NBEAL1: variants seen among roughly 807,000 people sequenced by gnomAD.
NBEAL1 encodes the protein neurobeachin-like protein 1.
In NBEAL1, 273 loss-of-function variants were observed where a neutral mutation model predicts 351.3. That is an observed-to-expected ratio of 0.78 (90% CI 0.70 to 0.86). The LOEUF is 0.86. Ranked by LOEUF, NBEAL1 falls within the 40% of genes least tolerant of loss-of-function variation. The probability of loss-of-function intolerance (pLI) is 0.00; values close to 1 mark genes in which losing one functional copy is unlikely to be tolerated. For synonymous variants in NBEAL1, 1,050 were observed against 1,086.4 expected, an observed-to-expected ratio of 0.97 and a Z score of 0.66; for missense variants, 2,961 against 3,201.3, an observed-to-expected ratio of 0.92 and a Z score of 1.81.
Position 203,213,704 on chromosome 2 carries a change from T to A in NBEAL1, c.8070+51T>A, listed in dbSNP as rs759730977. 13 of 1,607,306 alleles carry A rather than the reference T, an allele frequency of 8.1e-6. No homozygotes were observed. The African/African-American group carries it at 1.7e-4, about 22-fold the overall frequency. On this transcript the variant is annotated intron_variant, in intron 55 of 55. Coordinates refer to ENST00000683969, the MANE Select transcript of NBEAL1 (RefSeq NM_001378026.1). Reference sequence around the variant, plus strand: ...TTTCTCATGCTGTTGGGGATTACTTTGGTTCTCCTTCATTCCAACTGATTG... The same window carrying A: ...TTTCTCATGCTGTTGGGGATTACTTAGGTTCTCCTTCATTCCAACTGATTG...
chr2:203,116,814 G>T (rs371087141), intron 18 of NBEAL1, among the ~76,000 whole-genome samples: 54 of 150,878 alleles, frequency 3.6e-4, no homozygotes, highest in South Asian at 1.3e-3. Flanking sequence ...AAAAGGGGGG[G>T]GCCCAGCACA....
chr2:203,166,077 T>C, intron 36 of NBEAL1, 72 bp from the exon 37 acceptor site: 1 of 1,315,662 alleles, frequency 7.6e-7, no homozygotes, highest in Non-Finnish European at 1.0e-6. Flanking sequence ...TATATTTAAA[T>C]GTGGCATTCT....
Position 203,127,811 on chromosome 2 carries a change from A to G in NBEAL1, c.3279A>G (p.Leu1093=), listed in dbSNP as rs1559385914. The change falls in exon 24 of 56, where the codon CTA becomes CTG. Residue 1093 remains leucine (L), a synonymous_variant. Coordinates refer to ENST00000683969, the MANE Select transcript of NBEAL1 (RefSeq NM_001378026.1). Reference sequence around the variant, plus strand: ...GTTGTAAATATAATGAACTATCTCTAGATGATATTCGAACAATAAGGACTT... The same window carrying G: ...GTTGTAAATATAATGAACTATCTCTGGATGATATTCGAACAATAAGGACTT... ...GNGCKYNELS[L]DDIRTIRTSL... 4.6e-6 allele frequency: 7 copies of G among 1,518,960 alleles called. No homozygotes were observed. The highest frequency in any genetic ancestry group is 6.3e-6 in the Non-Finnish European group (7 of 1,116,800). 94.1% of individuals were successfully genotyped at this position (1,518,960 alleles called of 1,614,324 possible). A position where few individuals can be genotyped will look rare whatever the true frequency, so the allele number is the denominator to read the frequency against.
chr2:203,091,720 A>G (rs2062068534), intron 10 of NBEAL1, among the ~76,000 whole-genome samples: 1 of 152,066 alleles, frequency 6.6e-6, no homozygotes, highest in Non-Finnish European at 1.5e-5. Context: ...TTCTCTAATG[A>G]TTAGTGATAT....
At chr2:203,213,068 C>T (rs1011824251) in intron 54 of NBEAL1, among the ~76,000 whole-genome samples, 1 of 152,092 alleles carries the variant, frequency 6.6e-6, no homozygotes, top group African/African-American at 2.4e-5. Context: ...TGTTGTGTTC[C>T]TTACTTTGTC....
intron 55 of NBEAL1, among the ~76,000 whole-genome samples, chr2:203,216,082 A>G (rs1172171283): frequency 6.6e-6 from 1 of 151,996 alleles, no homozygotes; most frequent in Non-Finnish European, 1.5e-5. Context: ...ATTGCAACAA[A>G]CCATAGGGGA....
intron 46 of NBEAL1, among the ~76,000 whole-genome samples, chr2:203,193,276 T>C (rs1202531140): frequency 6.6e-6 from 1 of 152,108 alleles, no homozygotes; most frequent in East Asian, 1.9e-4. Flanking sequence ...CCAGCCAGTG[T>C]TGACATTTTG....
chr2:203,042,143 C>A (rs1352025767), intron 3 of NBEAL1, among the ~76,000 whole-genome samples: 1 of 152,210 alleles, frequency 6.6e-6, no homozygotes, highest in African/African-American at 2.4e-5. Flanking sequence ...GGGCAAAGTC[C>A]TCTGTAAGAC....
intron 2 of NBEAL1, among the ~76,000 whole-genome samples, chr2:203,017,868 C>T (rs748950298): frequency 2.6e-5 from 4 of 152,034 alleles, no homozygotes; most frequent in Non-Finnish European, 4.4e-5. Context: ...TGTTAATCCT[C>T]AATAATGAAG....
chr2:203,157,624 GC>G, intron 35 of NBEAL1, 74 bp from the exon 36 acceptor site: 1 of 1,090,266 alleles, frequency 9.2e-7, no homozygotes, highest in East Asian at 2.7e-5. Flanking sequence ...AACACAATTA[GC>G]AGTCAGAAAT....
intron 12 of NBEAL1, among the ~76,000 whole-genome samples, chr2:203,102,305 T>C (rs1297447831): frequency 6.6e-6 from 1 of 152,238 alleles, no homozygotes; most frequent in East Asian, 1.9e-4. Context: ...TTTTATTTCT[T>C]TCTCTTGCCT....
rs2062688262 is a variant in NBEAL1 at position 203,116,010 on chromosome 2, G to GCCCA, written c.2532_2533insCCCA (p.Cys845ProfsTer6). 6.4e-7 allele frequency: 1 copy of GCCCA among 1,553,266 alleles called. No individual in the cohort carries two copies. Among genetic ancestry groups the GCCCA allele is most frequent in the East Asian group, 2.4e-5 (1 of 41,434 alleles). ...GTCCAAATTGTTTAAGCCCTTGGAA[G>GCCCA]TGTCAAGAGTCTGACATGGCCGACC... On this transcript the variant is annotated frameshift_variant, in exon 18 of 56. Transcript: ENST00000683969. LOFTEE classifies it high-confidence loss of function.
intron 47 of NBEAL1, among the ~76,000 whole-genome samples, chr2:203,196,841 G>A (rs1490197298): frequency 6.6e-6 from 1 of 152,162 alleles, no homozygotes. Context: ...TGGTCCTACT[G>A]TGGCTTTCAG....
Position 203,114,263 on chromosome 2 carries a change from G to A in NBEAL1, c.2506+945G>A, listed in dbSNP as rs375372015. ...TATGGCTTTAAATAGGAAGTTTAGG[G>A]GGACATAGTCAGTCCATAACACTGC... On this transcript the variant is annotated intron_variant, in intron 17 of 55. Coordinates refer to ENST00000683969, the MANE Select transcript of NBEAL1 (RefSeq NM_001378026.1). Among the ~76,000 whole-genome samples the A allele has an allele frequency of 2.0e-4, 30 of 152,204 alleles. No individual in the cohort carries two copies. The East Asian group carries it at 2.9e-3, about 15-fold the overall frequency.
intron 49 of NBEAL1, 47 bp from the exon 50 acceptor site, chr2:203,201,496 A>T: frequency 7.1e-7 from 1 of 1,413,132 alleles, no homozygotes; most frequent in Non-Finnish European, 9.4e-7. Context: ...TCACATCAGT[A>T]TACGTGATCT....
Position 203,134,451 on chromosome 2 carries a change from G to A in NBEAL1, c.3814-1226G>A, listed in dbSNP as rs1032839886. On this transcript the variant is annotated intron_variant, in intron 27 of 55. Transcript: ENST00000683969. ...GTATTAATAAAGAAAGAATCTTCAC[G>A]TCATTGTGACTCCTTGCCTTCTGTA... is the stretch of plus-strand genomic sequence containing the variant. Among the ~76,000 whole-genome samples, 4 of 152,074 alleles carry A rather than the reference G, an allele frequency of 2.6e-5. No individual in the cohort carries two copies. The East Asian group carries it at 7.7e-4, about 29-fold the overall frequency.
Position 203,065,471 on chromosome 2 carries a change from G to T in NBEAL1, c.516-2922G>T, listed in dbSNP as rs183199603. On this transcript the variant is annotated intron_variant, in intron 6 of 55. Transcript: ENST00000683969. ...GTGAGTACAAAAAAGAAGCATGGTG[G>T]CTGGGGCGCGGTGGCTCACGCCTAT... is the stretch of plus-strand genomic sequence containing the variant. Among the ~76,000 whole-genome samples the T allele has an allele frequency of 2.1e-4, 32 of 152,282 alleles. No individual in the cohort carries two copies. In the East Asian group the frequency reaches 5.8e-3, roughly 28 times the overall value.
chr2:203,120,337 AC>A (rs2062801633), intron 18 of NBEAL1, among the ~76,000 whole-genome samples: 1 of 152,184 alleles, frequency 6.6e-6, no homozygotes. Context: ...TGGAGTTAGA[AC>A]CCAGCCTGTT....
chr2:203,192,557 T>C (rs1249820837), intron 46 of NBEAL1, among the ~76,000 whole-genome samples: 2 of 151,994 alleles, frequency 1.3e-5, no homozygotes, highest in Non-Finnish European at 2.9e-5. Flanking sequence ...GCTAATTTTT[T>C]GTATTTTTAG....
Sources: allele counts gnomAD v4.1 joint callset (sites outside exome capture counted in the v4.1 genomes callset), GRCh38; gene constraint gnomAD v4.1.1; transcripts MANE v1.5; gene names NCBI Gene and HGNC (gene_info 2026-07-23, HGNC 2026-07-21).